MBTPS1: variants seen among roughly 807,000 people sequenced by gnomAD.
MBTPS1 encodes the protein membrane-bound transcription factor site-1 protease.
MBTPS1 carries 94 observed loss-of-function variants against 127.8 expected under a neutral mutation model. That is an observed-to-expected ratio of 0.74 (90% CI 0.62 to 0.87). The LOEUF (loss-of-function observed/expected upper bound fraction) is 0.87, where lower values mean the gene tolerates loss of function less well. Among genes scored for constraint, MBTPS1 ranks in the 40% least tolerant of loss-of-function variants. The pLI is 0.00. For missense variants in MBTPS1, 1,636 were observed against 1,353.2 expected (o/e 1.21, Z -3.28); for synonymous variants, 632 against 509.4 (o/e 1.24, Z -3.24).
At position 84,070,039 on chromosome 16, in the gene MBTPS1, C is replaced by CT. The variant is rs770170786; in HGVS notation, c.1783-2dup. 3 of 1,545,386 alleles carry CT rather than the reference C, an allele frequency of 1.9e-6. No individual in the cohort carries two copies. In the Admixed American group the frequency reaches 6.9e-5, roughly 36 times the overall value. ...AAGTCTGTTCTGCACCATTTTTTGA[C>CT]TAAAAAAAAAGAAAAGAAACTTGAA... On this transcript the variant is annotated splice_acceptor_variant, in intron 13 of 22. Transcript: ENST00000343411. LOFTEE classifies it high-confidence loss of function.
At chr16:84,108,112 G>A (rs911840163) in intron 1 of MBTPS1, among the ~76,000 whole-genome samples, 1 of 151,934 alleles carries the variant, frequency 6.6e-6, no homozygotes, top group Non-Finnish European at 1.5e-5. Context: ...CAGCTGTGAC[G>A]AATGGTCCCT....
Position 84,088,677 on chromosome 16 carries a change from C to G in MBTPS1, c.1032-1217G>C, listed in dbSNP as rs141959142. ...GCTGGCACCACAGAGTCTAGGAGCA[C>G]CAAGGGCACAGGACCCAGACAAAGA... On this transcript the variant is annotated intron_variant, in intron 8 of 22. Transcript: ENST00000343411. 2.4e-4 allele frequency among the ~76,000 whole-genome samples: 36 copies of G among 151,958 alleles called. No homozygotes were observed. In the East Asian group the frequency reaches 6.9e-3, roughly 29 times the overall value.
At position 84,074,766 on chromosome 16, in the gene MBTPS1, A is replaced by G. The variant is rs760004141; in HGVS notation, c.1449-25T>C. ...ACTGAAATAAAGAATACAGTGTTAG[A>G]GTAGATCATATGAGAAAACTACAAT... On this transcript the variant is annotated intron_variant, in intron 11 of 22. Coordinates refer to ENST00000343411, the MANE Select transcript of MBTPS1 (RefSeq NM_003791.4). 2.5e-6 allele frequency: 4 copies of G among 1,600,652 alleles called. No individual in the cohort carries two copies. In the Admixed American group the frequency reaches 6.9e-5, roughly 28 times the overall value.
At chr16:84,106,383 T>C (rs115119574) in intron 1 of MBTPS1, among the ~76,000 whole-genome samples, 1 of 152,106 alleles carries the variant, frequency 6.6e-6, no homozygotes, top group Non-Finnish European at 1.5e-5. Context: ...GCTACAGCAC[T>C]ACCTACAGCA....
chr16:84,112,159 G>C (rs1341248313), intron 1 of MBTPS1, among the ~76,000 whole-genome samples: 4 of 152,238 alleles, frequency 2.6e-5, no homozygotes, highest in East Asian at 3.9e-4. Context: ...CGGAGATAAA[G>C]CCACTGCATT....
At chr16:84,101,236 G>C (rs2086250492) in intron 2 of MBTPS1, among the ~76,000 whole-genome samples, 1 of 152,152 alleles carries the variant, frequency 6.6e-6, no homozygotes, top group African/African-American at 2.4e-5. Flanking sequence ...GGAGGTGGAA[G>C]TTGCAGTGAA....
chr16:84,079,907 G>C lies in MBTPS1; in HGVS notation c.1448+1840C>G, dbSNP rs572708104. Among the ~76,000 whole-genome samples the C allele has an allele frequency of 1.2e-3, 177 of 152,324 alleles. 2 individuals are homozygous for C. The highest frequency in any genetic ancestry group is 3.9e-3 in the African/African-American group (163 of 41,578). ...CTGTCCGAAGAGCGCAGTAACCACT[G>C]TGAGCACAGCAGCTTGGAGCACCCC... On this transcript the variant is annotated intron_variant, in intron 11 of 22. Transcript: ENST00000343411.
intron 14 of MBTPS1, among the ~76,000 whole-genome samples, chr16:84,068,935 C>A (rs976255901): frequency 8.5e-5 from 13 of 152,200 alleles, no homozygotes; most frequent in African/African-American, 3.1e-4. Context: ...AGCTCACTTT[C>A]CTATGGGACA....
intron 11 of MBTPS1, among the ~76,000 whole-genome samples, chr16:84,079,216 G>A (rs7189390): frequency 0.058 from 8,854 of 152,266 alleles, 334 homozygotes; most frequent in African/African-American, 0.11. Context: ...CCAGAAGCAG[G>A]TGCTGGTGCT....
At chr16:84,056,908 C>A (rs994034117) in intron 21 of MBTPS1, 1 of 152,140 alleles carries the variant, frequency 6.6e-6, no homozygotes, top group Admixed American at 6.5e-5. Flanking sequence ...GGAGCTAGAG[C>A]GAAGAGCGCG....
intron 17 of MBTPS1, 65 bp downstream of exon 17, chr16:84,066,424 A>C: frequency 1.3e-6 from 2 of 1,513,478 alleles, no homozygotes; most frequent in Non-Finnish European, 1.8e-6. Context: ...AGAAATCTAG[A>C]CTTCAGAGGT....
chr16:84,108,079 T>G (rs925661135), intron 1 of MBTPS1, among the ~76,000 whole-genome samples: 1 of 151,898 alleles, frequency 6.6e-6, no homozygotes, highest in South Asian at 2.1e-4. Flanking sequence ...AGACTGCACT[T>G]TCCAGGGTCT....
chr16:84,059,211 T>C (rs2085568632), intron 21 of MBTPS1, 91 bp downstream of exon 21: 2 of 1,468,354 alleles, frequency 1.4e-6, no homozygotes, highest in Non-Finnish European at 1.9e-6. Context: ...AATTCGATAG[T>C]GATGTCAGTA....
intron 1 of MBTPS1, among the ~76,000 whole-genome samples, chr16:84,116,347 C>T (rs902652990): frequency 6.6e-6 from 1 of 152,342 alleles, no homozygotes; most frequent in Admixed American, 6.5e-5. Context: ...ACCAGCAGCG[C>T]AATATGCACA....
In MBTPS1 at chr16:84,068,411, G is replaced by A; in HGVS notation, c.1999C>T (p.His667Tyr). 6.2e-7 allele frequency: 1 copy of A among 1,614,184 alleles called. No homozygotes were observed. The highest frequency in any genetic ancestry group is 2.2e-5 in the East Asian group (1 of 44,884). ...ACAAAGTAGCCCATGCTTCTCAGAT[G>A]CTGGTACATATCCCTGAAATTGGTG... ...IHTNFRDMYQ[H>Y]LRSMGYFVEV... Residue 667 changes from histidine to tyrosine, a missense_variant, in exon 15 of 23, where the codon CAT (histidine) becomes TAT (tyrosine). Coordinates refer to ENST00000343411, the MANE Select transcript of MBTPS1 (RefSeq NM_003791.4).
chr16:84,099,397 A>T (rs921496796), intron 2 of MBTPS1, 87 bp from the exon 3 acceptor site: 1 of 1,382,730 alleles, frequency 7.2e-7, no homozygotes, highest in African/African-American at 1.5e-5. Flanking sequence ...AAATCTGGCA[A>T]AAGAAAAATT....
At chr16:84,082,930 G>A (rs1446738779) in intron 10 of MBTPS1, among the ~76,000 whole-genome samples, 1 of 152,202 alleles carries the variant, frequency 6.6e-6, no homozygotes, top group South Asian at 2.1e-4. Context: ...CATTATGAGC[G>A]ACTGTCACAC....
chr16:84,061,614 T>C (rs913996492), intron 19 of MBTPS1: 4 of 152,228 alleles, frequency 2.6e-5, no homozygotes, highest in African/African-American at 9.7e-5. Flanking sequence ...TCAACACCCA[T>C]GCAGCATCTG....
chr16:84,083,181 C>G (rs1308079854), intron 10 of MBTPS1, among the ~76,000 whole-genome samples: 4 of 152,190 alleles, frequency 2.6e-5, no homozygotes, highest in East Asian at 3.8e-4. Context: ...CCAGAATCAA[C>G]AACATTAGAA....
Sources: allele counts gnomAD v4.1 joint callset (sites outside exome capture counted in the v4.1 genomes callset), GRCh38; gene constraint gnomAD v4.1.1; transcripts MANE v1.5; gene names NCBI Gene and HGNC (gene_info 2026-07-23, HGNC 2026-07-21).